Variants in NPAS3 observed in about 807,000 individuals in gnomAD.
NPAS3 encodes neuronal PAS domain-containing protein 3.
Under a neutral mutation model 73.1 loss-of-function variants are expected in NPAS3, and 14 were observed. The observed-to-expected ratio is 0.19, with a 90% CI of 0.13 to 0.30. The LOEUF (loss-of-function observed/expected upper bound fraction) is 0.30. Ranked by LOEUF, NPAS3 falls within the 10% of genes least tolerant of loss-of-function variation. NPAS3 has a pLI of 1.00. For missense variants in NPAS3, 1,096 were observed against 1,250.0 expected (o/e 0.88, Z 1.86); for synonymous variants, 620 against 541.5 (o/e 1.14, Z -2.01).
chr14:32,960,194 G>GT (rs924386437), intron 1 of NPAS3, among the ~76,000 whole-genome samples: 17 of 151,014 alleles, frequency 1.1e-4, no homozygotes, highest in African/African-American at 3.6e-4. Flanking sequence ...TATTTATGTA[G>GT]TTTTTTTTTC....
chr14:33,105,086 CA>C (rs2042684248), intron 2 of NPAS3, among the ~76,000 whole-genome samples: 1 of 152,016 alleles, frequency 6.6e-6, no homozygotes, highest in Non-Finnish European at 1.5e-5. Flanking sequence ...TATTTGCTTC[CA>C]GTAATCCATA....
At chr14:33,799,711 C>T in intron 11 of NPAS3, 23 bp from the exon 12 acceptor site, 2 of 1,549,282 alleles carry the variant, frequency 1.3e-6, no homozygotes, top group Non-Finnish European at 1.7e-6. Context: ...CCCCCGCCAC[C>T]GCCGGCCCCC....
At chr14:33,655,790 C>T (rs1025022527) in intron 5 of NPAS3, among the ~76,000 whole-genome samples, 10 of 152,148 alleles carry the variant, frequency 6.6e-5, no homozygotes, top group African/African-American at 2.2e-4. Flanking sequence ...CTTGTACCCC[C>T]TCATATCTCT....
chr14:33,485,043 A>T (rs563818426), intron 4 of NPAS3, among the ~76,000 whole-genome samples: 2 of 152,292 alleles, frequency 1.3e-5, no homozygotes, highest in African/African-American at 4.8e-5. Flanking sequence ...ATTCATGGAC[A>T]GGGCCAGTAA....
At chr14:33,128,351 A>G (rs1356079431) in intron 2 of NPAS3, among the ~76,000 whole-genome samples, 2 of 152,190 alleles carry the variant, frequency 1.3e-5, no homozygotes, top group Non-Finnish European at 2.9e-5. Context: ...TCAACAATAT[A>G]AGTTAAACTA....
intron 6 of NPAS3, among the ~76,000 whole-genome samples, chr14:33,707,245 C>A (rs1243068031): frequency 6.6e-6 from 1 of 152,086 alleles, no homozygotes; most frequent in Non-Finnish European, 1.5e-5. Context: ...TTGACCTCAG[C>A]ATAATTAAGT....
intron 1 of NPAS3, among the ~76,000 whole-genome samples, chr14:32,955,649 A>G (rs1250236243): frequency 6.6e-6 from 1 of 152,096 alleles, no homozygotes; most frequent in African/African-American, 2.4e-5. Context: ...AAGGGAACAA[A>G]TTGGTCTCCA....
At chr14:33,315,299 A>C (rs2043163809) in intron 3 of NPAS3, among the ~76,000 whole-genome samples, 1 of 152,084 alleles carries the variant, frequency 6.6e-6, no homozygotes, top group Admixed American at 6.6e-5. Flanking sequence ...TGTTTGCCAA[A>C]ATTTTGAAAT....
intron 4 of NPAS3, among the ~76,000 whole-genome samples, chr14:33,429,715 G>A (rs558141103): frequency 6.6e-6 from 1 of 152,240 alleles, no homozygotes; most frequent in South Asian, 2.1e-4. Context: ...ATGAGGATGA[G>A]CAATGAGGAA....
At position 33,203,876 on chromosome 14, in the gene NPAS3, T is replaced by G. The variant is rs963624420; in HGVS notation, c.141-11306T>G. On this transcript the variant is annotated intron_variant, in intron 2 of 11. Coordinates refer to ENST00000356141, the Ensembl canonical transcript of NPAS3. ...CTGGGTCAAATGGTATTTCTAGTTC[T>G]AGATCCCTGAGGAATCGCCACACCG... Among the ~76,000 whole-genome samples the G allele has an allele frequency of 3.3e-5, 5 of 152,302 alleles. No homozygotes were observed. In the East Asian group the frequency reaches 7.7e-4, roughly 24 times the overall value.
In NPAS3 at chr14:33,360,319, C is replaced by T. The variant is rs2045537889; in HGVS notation, c.386-6867C>T. Among the ~76,000 whole-genome samples the T allele has an allele frequency of 1.3e-5, 2 of 150,196 alleles. 1 individual carries two copies. The highest frequency in any genetic ancestry group is 4.3e-4 in the South Asian group (2 of 4,622). On this transcript the variant is annotated intron_variant, in intron 3 of 11. Coordinates refer to ENST00000356141, the Ensembl canonical transcript of NPAS3. ...TTCTGAAGTCGCTTTATAACTGTCT[C>T]ACTCCCCAGACTTCCCCAAATTGGG...
At chr14:33,204,006 T>C (rs369981683) in intron 2 of NPAS3, among the ~76,000 whole-genome samples, 48,285 of 151,738 alleles carry the variant, frequency 0.32, 7,878 homozygotes, top group East Asian at 0.55. Context: ...TTTTAATGAC[T>C]GCCATTCTAA....
chr14:33,008,936 C>T (rs2039092032), intron 1 of NPAS3, among the ~76,000 whole-genome samples: 1 of 152,112 alleles, frequency 6.6e-6, no homozygotes. Context: ...GCTTATTTTG[C>T]AACATGCTAC....
rs555642846 is a variant in NPAS3 at position 33,318,172 on chromosome 14, A to C, written c.386-49014A>C. 3.9e-5 allele frequency among the ~76,000 whole-genome samples: 6 copies of C among 152,272 alleles called. No homozygotes were observed. In the South Asian group the frequency reaches 1.2e-3, roughly 32 times the overall value. ...GAATATTATTCAGCCTTAAAAAGGA[A>C]GGAAATTCTGACACATGCTACAACG... is the stretch of plus-strand genomic sequence containing the variant. On this transcript the variant is annotated intron_variant, in intron 3 of 11. Coordinates refer to ENST00000356141, the Ensembl canonical transcript of NPAS3.
Position 33,473,863 on chromosome 14 carries a change from A to G in NPAS3, c.469-86258A>G, listed in dbSNP as rs142087704. 2.2e-4 allele frequency among the ~76,000 whole-genome samples: 34 copies of G among 152,332 alleles called. No individual in the cohort carries two copies. The East Asian group carries it at 3.1e-3, about 14-fold the overall frequency. On this transcript the variant is annotated intron_variant, in intron 4 of 11. Coordinates refer to ENST00000356141, the Ensembl canonical transcript of NPAS3. ...TGTCTGTGGCTGCTTTAGCACTACA[A>G]TTGCAAAGTTAAGTAGATGTGATGA... is the stretch of plus-strand genomic sequence containing the variant.
At chr14:33,056,111 G>A (rs201387871) in intron 2 of NPAS3, 117 bp downstream of exon 2, 343 of 453,806 alleles carry the variant, frequency 7.6e-4, no homozygotes, top group South Asian at 2.5e-3. Flanking sequence ...TAGTGGGGGA[G>A]AAAAAAAAAC....
At chr14:33,069,794 G>C (rs574536784) in intron 2 of NPAS3, among the ~76,000 whole-genome samples, 1 of 152,300 alleles carries the variant, frequency 6.6e-6, no homozygotes, top group East Asian at 1.9e-4. Flanking sequence ...TTAACATTTA[G>C]AGTGACTTTT....
intron 5 of NPAS3, among the ~76,000 whole-genome samples, chr14:33,650,383 C>T (rs543438202): frequency 1.3e-5 from 2 of 152,224 alleles, no homozygotes; most frequent in South Asian, 2.1e-4. Context: ...AGATGTAAAT[C>T]AGCCTTTGCC....
intron 2 of NPAS3, among the ~76,000 whole-genome samples, chr14:33,117,462 C>G (rs1167072068): frequency 6.6e-6 from 1 of 152,070 alleles, no homozygotes; most frequent in Non-Finnish European, 1.5e-5. Context: ...GAAATGTTTA[C>G]ATTAGCTGAG....
Sources: gnomAD v4.1 joint callset for allele counts (sites outside exome capture counted in the v4.1 genomes callset) on GRCh38, gnomAD v4.1.1 for gene constraint, MANE v1.5 for transcripts, NCBI Gene and HGNC (gene_info 2026-07-23, HGNC 2026-07-21) for gene names.